PLCE1: variants seen among roughly 807,000 people sequenced by gnomAD.
PLCE1 encodes 1-phosphatidylinositol 4,5-bisphosphate phosphodiesterase epsilon-1.
PLCE1 carries 119 observed loss-of-function variants against 242.8 expected under a neutral mutation model. That is an observed-to-expected ratio of 0.49 (90% confidence interval 0.42 to 0.57). The LOEUF is 0.57. Among genes scored for constraint, PLCE1 ranks in the 20% least tolerant of loss-of-function variants. PLCE1 has a pLI of 0.00. For synonymous variants in PLCE1, 945 were observed against 1,017.4 expected, an observed-to-expected ratio of 0.93 and a Z score of 1.35; for missense variants, 2,441 against 2,788.8, an observed-to-expected ratio of 0.88 and a Z score of 2.81.
chr10:94,283,956 C>T, intron 21 of PLCE1, 45 bp downstream of exon 21: 1 of 1,598,376 alleles, frequency 6.3e-7, no homozygotes, highest in Non-Finnish European at 8.5e-7. Flanking sequence ...CCATGTGGTA[C>T]TCTTGTCAGT....
intron 1 of PLCE1, among the ~76,000 whole-genome samples, chr10:94,027,533 G>A (rs769909360): frequency 7.2e-5 from 11 of 152,186 alleles, no homozygotes; most frequent in Non-Finnish European, 1.5e-4. Flanking sequence ...TATAAGATAA[G>A]CTTCTTGGCT....
rs1252023111 is a variant in PLCE1, at chr10:94,316,535, C to T, written c.6133-12C>T. On this transcript the variant is annotated splice_polypyrimidine_tract_variant and intron_variant, in intron 28 of 32. Transcript: ENST00000371380. ...TGCCTCACTCCTCAGTTTGCCTTCACTTTTTCTTTAGATTCTGACAAATGA... is the reference window on the plus strand; with the variant it reads ...TGCCTCACTCCTCAGTTTGCCTTCATTTTTTCTTTAGATTCTGACAAATGA... The T allele has an allele frequency of 6.3e-7, 1 of 1,592,102 alleles. No individual in the cohort carries two copies. The highest frequency in any genetic ancestry group is 8.6e-7 in the Non-Finnish European group (1 of 1,162,492).
chr10:94,252,207 TG>T, intron 8 of PLCE1, 108 bp from the exon 9 acceptor site: 1 of 921,236 alleles, frequency 1.1e-6, no homozygotes, highest in Non-Finnish European at 1.8e-6. Context: ...TATTCTTCTG[TG>T]GCCGTCTGTG....
intron 2 of PLCE1, among the ~76,000 whole-genome samples, chr10:94,047,352 A>G (rs1429401356): frequency 6.6e-6 from 1 of 152,202 alleles, no homozygotes; most frequent in Non-Finnish European, 1.5e-5. Context: ...TACCAGTGAG[A>G]AGGCAAAGTG....
chr10:94,063,278 A>G (rs754400646), intron 2 of PLCE1, among the ~76,000 whole-genome samples: 1 of 152,098 alleles, frequency 6.6e-6, no homozygotes, highest in African/African-American at 2.4e-5. Flanking sequence ...CTTCTGTGGG[A>G]AAGGGGGGAA....
At chr10:94,227,513 T>A in intron 5 of PLCE1, 62 bp downstream of exon 5, 1 of 1,450,970 alleles carries the variant, frequency 6.9e-7, no homozygotes, top group Non-Finnish European at 9.7e-7. Context: ...TGAATGGCAC[T>A]GAATTAATTG....
At chr10:94,163,685 T>C (rs1489726937) in intron 3 of PLCE1, among the ~76,000 whole-genome samples, 1 of 152,178 alleles carries the variant, frequency 6.6e-6, no homozygotes, top group African/African-American at 2.4e-5. Flanking sequence ...ATGTGTGAAT[T>C]TGATCCTGTC....
In PLCE1 at chr10:94,010,783, C is replaced by T. The variant is rs1589850479; in HGVS notation, c.-365+16525C>T. ...CTTTGCTAAGGTATAACAAGGTGAC[C>T]TTCACTGCAGTTCCAATAACTTCCT... On this transcript the variant is annotated intron_variant, in intron 1 of 32. Coordinates refer to ENST00000371380, the MANE Select transcript of PLCE1 (RefSeq NM_016341.4). 2.6e-5 allele frequency among the ~76,000 whole-genome samples: 4 copies of T among 152,310 alleles called. No homozygotes were observed. The South Asian group carries it at 8.3e-4, about 32-fold the overall frequency.
At chr10:94,196,522 A>G (rs1289176774) in intron 4 of PLCE1, among the ~76,000 whole-genome samples, 2 of 152,180 alleles carry the variant, frequency 1.3e-5, no homozygotes, top group African/African-American at 2.4e-5. Context: ...ATGGTGGCTT[A>G]TGCCTATAAT....
At chr10:94,248,406 G>T (rs1251445927) in intron 8 of PLCE1, among the ~76,000 whole-genome samples, 3 of 152,088 alleles carry the variant, frequency 2.0e-5, no homozygotes, top group Non-Finnish European at 4.4e-5. Context: ...TTCGAGACCA[G>T]CCTGGCCAAC....
chr10:94,190,816 G>C (rs1197291492), intron 4 of PLCE1, among the ~76,000 whole-genome samples: 2 of 152,236 alleles, frequency 1.3e-5, no homozygotes, highest in African/African-American at 4.8e-5. Context: ...CTACTAGGCA[G>C]TGCAAGGCGG....
chr10:94,188,596 T>G (rs2048556667), intron 4 of PLCE1, among the ~76,000 whole-genome samples: 1 of 151,978 alleles, frequency 6.6e-6, no homozygotes, highest in African/African-American at 2.4e-5. Flanking sequence ...TTCGTTTGTT[T>G]GTTTTGTTTT....
chr10:94,280,823 C>T (rs956845162), intron 20 of PLCE1, among the ~76,000 whole-genome samples: 1 of 152,178 alleles, frequency 6.6e-6, no homozygotes, highest in Non-Finnish European at 1.5e-5. Flanking sequence ...AATATCTGCT[C>T]CTCAGCAGAA....
chr10:94,304,728 G>T (rs1589509772), intron 25 of PLCE1, 83 bp downstream of exon 25: 1 of 1,339,792 alleles, frequency 7.5e-7, no homozygotes, highest in Non-Finnish European at 1.1e-6. Flanking sequence ...CAAGGCATTG[G>T]AAAGCTGTCA....
intron 4 of PLCE1, among the ~76,000 whole-genome samples, chr10:94,200,228 A>G (rs909253976): frequency 1.3e-5 from 2 of 152,342 alleles, no homozygotes; most frequent in African/African-American, 4.8e-5. Context: ...CTTGGTTTCT[A>G]AAACCATTCT....
intron 2 of PLCE1, among the ~76,000 whole-genome samples, chr10:94,062,388 C>A (rs568191528): frequency 2.0e-5 from 3 of 152,048 alleles, no homozygotes; most frequent in Non-Finnish European, 2.9e-5. Flanking sequence ...AACTCCTGGG[C>A]TCAAGCAATC....
At chr10:94,315,457 G>T (rs1454856312) in intron 28 of PLCE1, 3 of 456,072 alleles carry the variant, frequency 6.6e-6, no homozygotes, top group Non-Finnish European at 1.3e-5. Context: ...TCAGCCTTTT[G>T]TAGTAACCTG....
chr10:94,262,738 T>C lies in PLCE1; in HGVS notation c.4053+6T>C. 1 of 1,591,906 alleles carries C rather than the reference T, an allele frequency of 6.3e-7. No homozygotes were observed. The highest frequency in any genetic ancestry group is 8.6e-7 in the Non-Finnish European group (1 of 1,159,684). ...AAATCCTCAGCATCATCCAGGTTTG[T>C]GCCTGTTTTGTGTGTGCATGTGTGT... On this transcript the variant is annotated splice_donor_region_variant and intron_variant, in intron 14 of 32. Coordinates refer to ENST00000371380, the MANE Select transcript of PLCE1 (RefSeq NM_016341.4).
At chr10:94,088,878 C>A in intron 2 of PLCE1, 3 of 459,110 alleles carry the variant, frequency 6.5e-6, no homozygotes, top group Non-Finnish European at 1.1e-5. Context: ...TTTACAGAAG[C>A]CAGATTACTA....
Sources: allele counts gnomAD v4.1 joint callset (sites outside exome capture counted in the v4.1 genomes callset), GRCh38; gene constraint gnomAD v4.1.1; transcripts MANE v1.5; gene names NCBI Gene and HGNC (gene_info 2026-07-23, HGNC 2026-07-21).